The following AP4E1 variants were observed in gnomAD, a reference collection of about 807,000 sequenced individuals.
The protein encoded by AP4E1 is adaptor related protein complex 4 subunit epsilon 1, also known as AP-4 complex subunit epsilon-1.
Under a neutral mutation model 128.2 loss-of-function variants are expected in AP4E1, and 56 were observed. The ratio of observed to expected loss-of-function variants is 0.44; its 90% CI spans 0.35 to 0.55. AP4E1 has a LOEUF of 0.55. Ranked by LOEUF, AP4E1 falls within the 20% of genes least tolerant of loss-of-function variation. The probability of loss-of-function intolerance (pLI) is 0.00; values close to 1 mark genes in which losing one functional copy is unlikely to be tolerated. For missense variants in AP4E1, 1,324 were observed against 1,307.7 expected (o/e 1.01, Z -0.19); for synonymous variants, 484 against 473.1 (o/e 1.02, Z -0.30).
In AP4E1 at chr15:50,993,623, C is replaced by A; in HGVS notation, c.2344C>A (p.Leu782Met). ...VGLGSESTIN[L>M]LGKADTVSHK... is the part of the protein sequence containing the mutation. ...TCTAGGATCAGAAAGTACAATCAAC[C>A]TGGTAAGTAATCGGTTCTATTCCTG... The change falls in exon 17 of 21, where the codon CTG (leucine) becomes ATG (methionine). Residue 782 changes from leucine to methionine, a missense_variant and splice_region_variant. Leu to Met is a conservative substitution (Grantham distance 15). Coordinates refer to ENST00000261842, the MANE Select transcript of AP4E1 (RefSeq NM_007347.5). 3.1e-6 allele frequency: 5 copies of A among 1,613,872 alleles called. No homozygotes were observed. Among genetic ancestry groups the A allele is most frequent in the Non-Finnish European group, 3.4e-6 (4 of 1,179,852 alleles).
At chr15:50,951,776 G>A (rs919512541) in intron 13 of AP4E1, among the ~76,000 whole-genome samples, 15 of 142,716 alleles carry the variant, frequency 1.1e-4, no homozygotes, top group Admixed American at 2.9e-4. Flanking sequence ...AACCAGACTG[G>A]AGTGCAGTGG....
intron 8 of AP4E1, among the ~76,000 whole-genome samples, chr15:50,939,398 G>T (rs1479143781): frequency 1.3e-5 from 2 of 151,890 alleles, no homozygotes; most frequent in African/African-American, 4.8e-5. Flanking sequence ...ACTTGAACCT[G>T]GGGGGTGGAG....
intron 16 of AP4E1, among the ~76,000 whole-genome samples, chr15:50,989,194 T>C (rs1567259718): frequency 6.6e-6 from 1 of 152,202 alleles, no homozygotes; most frequent in Non-Finnish European, 1.5e-5. Flanking sequence ...GCTTTCTTGT[T>C]TGGGAAGAAG....
chr15:50,987,861 A>T (rs1376587833), intron 16 of AP4E1, among the ~76,000 whole-genome samples: 1 of 152,138 alleles, frequency 6.6e-6, no homozygotes, highest in Non-Finnish European at 1.5e-5. Context: ...TAAGGTATTT[A>T]TATTGTACAG....
chr15:50,982,840 A>G (rs1221945206), intron 15 of AP4E1, among the ~76,000 whole-genome samples: 1 of 152,198 alleles, frequency 6.6e-6, no homozygotes, highest in Non-Finnish European at 1.5e-5. Flanking sequence ...CTGGTGCTAG[A>G]ATATCTGAGT....
chr15:50,994,592 A>G (rs530969070), intron 17 of AP4E1, among the ~76,000 whole-genome samples: 3 of 152,260 alleles, frequency 2.0e-5, no homozygotes, highest in South Asian at 4.1e-4. Context: ...GTATCTTAAT[A>G]TTTTCCGAGT....
At chr15:50,935,144 A>G (rs1465811778) in intron 8 of AP4E1, among the ~76,000 whole-genome samples, 3 of 152,120 alleles carry the variant, frequency 2.0e-5, no homozygotes, top group African/African-American at 7.2e-5. Flanking sequence ...ATAAAACATT[A>G]TGGGGCTTAT....
chr15:50,993,498 A>C lies in AP4E1; in HGVS notation c.2219A>C (p.Asn740Thr), dbSNP rs1410585384. The C allele has an allele frequency of 6.2e-7, 1 of 1,614,016 alleles. No homozygotes were observed. The highest frequency in any genetic ancestry group is 2.2e-5 in the East Asian group (1 of 44,820). The change falls in exon 17 of 21, where the codon AAT (asparagine) becomes ACT (threonine). Residue 740 changes from asparagine (N) to threonine (T), a missense_variant. Asn to Thr is a moderately conservative substitution (Grantham distance 65). Coordinates refer to ENST00000261842, the MANE Select transcript of AP4E1 (RefSeq NM_007347.5). Reference protein sequence around the residue: ...LPVPQESIMENVDQAITKKDQ... With the variant: ...LPVPQESIMETVDQAITKKDQ... ...GTTCCTCAAGAGAGTATAATGGAGA[A>C]TGTAGATCAAGCTATAACTAAAAAG...
Position 50,997,842 on chromosome 15 carries a change from A to G in AP4E1, c.2863A>G (p.Lys955Glu), listed in dbSNP as rs2140935285. 3 of 1,599,226 alleles carry G rather than the reference A, an allele frequency of 1.9e-6. No individual in the cohort carries two copies. The highest frequency in any genetic ancestry group is 3.4e-5 in the Admixed American group (2 of 58,438). ...CACTAATAAGAGTGGTTTGGAATTG[A>G]AAAGTGCTGACTTAGAAATTTTTCC... Reference protein sequence around the residue: ...SVTNKSGLELKSADLEIFPAE... With the variant: ...SVTNKSGLELESADLEIFPAE... Residue 955 changes from lysine to glutamate, a missense_variant, in exon 18 of 21, where the codon AAA (lysine) becomes GAA (glutamate). Coordinates refer to ENST00000261842, the MANE Select transcript of AP4E1 (RefSeq NM_007347.5).
chr15:50,998,058 G>A (rs1331668860), intron 18 of AP4E1, among the ~76,000 whole-genome samples, 175 bp downstream of exon 18: 1 of 152,192 alleles, frequency 6.6e-6, no homozygotes, highest in African/African-American at 2.4e-5. Flanking sequence ...TGTGTATACT[G>A]CTTACTTCTT....
intron 14 of AP4E1, among the ~76,000 whole-genome samples, chr15:50,966,955 GGA>G (rs1486152512): frequency 6.6e-6 from 1 of 152,160 alleles, no homozygotes; most frequent in African/African-American, 2.4e-5. Context: ...TGCTAAATCA[GGA>G]GAGGCAAGTC....
chr15:50,989,553 C>A (rs2064776246), intron 16 of AP4E1, among the ~76,000 whole-genome samples: 1 of 151,506 alleles, frequency 6.6e-6, no homozygotes, highest in Non-Finnish European at 1.5e-5. Flanking sequence ...TTTGATACTC[C>A]AAGCATGGGG....
chr15:50,945,569 A>G, intron 10 of AP4E1: 1 of 742,882 alleles, frequency 1.3e-6, no homozygotes, highest in East Asian at 2.4e-5. Context: ...GCTAGTTTCG[A>G]TAAAGCTATT....
Position 51,002,821 on chromosome 15 carries a change from C to T in AP4E1, c.*159C>T, listed in dbSNP as rs546140701. The T allele has an allele frequency of 1.1e-6, 1 of 916,810 alleles. No homozygotes were observed. Among genetic ancestry groups the T allele is most frequent in the African/African-American group, 1.6e-5 (1 of 60,672 alleles). 56.8% of individuals were successfully genotyped at this position (916,810 alleles called of 1,614,324 possible). A position where few individuals can be genotyped will look rare whatever the true frequency, so the allele number is the denominator to read the frequency against. On this transcript the variant is annotated 3_prime_UTR_variant, in exon 21 of 21. Transcript: ENST00000261842. ...TTGTGATTCCTGGTCAAGAAAGATC[C>T]CCAAAACTGTATCCCTAACCTTTAA...
chr15:50,941,372 G>T (rs2063984423), intron 8 of AP4E1, 70 bp from the exon 9 acceptor site: 5 of 1,541,116 alleles, frequency 3.2e-6, no homozygotes, highest in Middle Eastern at 2.0e-4. Context: ...TTTATTACAA[G>T]TTCTACACAA....
At chr15:50,914,287 C>A (rs1225930207) in intron 2 of AP4E1, among the ~76,000 whole-genome samples, 2 of 152,114 alleles carry the variant, frequency 1.3e-5, no homozygotes, top group Non-Finnish European at 2.9e-5. Context: ...TTCAATTTTA[C>A]TGTTTCCTGA....
At position 50,997,784 on chromosome 15, in the gene AP4E1, G is replaced by T; in HGVS notation, c.2805G>T (p.Trp935Cys). Residue 935 changes from tryptophan to cysteine, a missense_variant, in exon 18 of 21, where the codon TGG (tryptophan) becomes TGT (cysteine). By Grantham distance (215) the Trp-to-Cys change is radical (BLOSUM62 -2). Transcript: ENST00000261842. ...ETISVSSYKI[W>C]KDDCLLMVWS... ...TATCAGTGTCTTCTTATAAAATTTG[G>T]AAAGATGATTGTTTATTGATGGTCT... The T allele has an allele frequency of 1.2e-6, 2 of 1,609,976 alleles. No individual in the cohort carries two copies. Among genetic ancestry groups the T allele is most frequent in the Non-Finnish European group, 8.5e-7 (1 of 1,177,610 alleles).
chr15:50,950,766 C>T (rs1176515807), intron 13 of AP4E1, among the ~76,000 whole-genome samples: 1 of 152,128 alleles, frequency 6.6e-6, no homozygotes, highest in Non-Finnish European at 1.5e-5. Context: ...CTAAAGCTCT[C>T]CACCCCCACC....
At chr15:50,918,731 G>C (rs1052828570) in intron 3 of AP4E1, among the ~76,000 whole-genome samples, 1 of 151,942 alleles carries the variant, frequency 6.6e-6, no homozygotes, top group Admixed American at 6.6e-5. Context: ...TTATATAAAA[G>C]GCAGCATGTT....
Sources: allele counts gnomAD v4.1 joint callset (sites outside exome capture counted in the v4.1 genomes callset), GRCh38; gene constraint gnomAD v4.1.1; transcripts MANE v1.5; gene names NCBI Gene and HGNC (gene_info 2026-07-23, HGNC 2026-07-21).